ZNF215: variants seen among roughly 807,000 people sequenced by gnomAD.
ZNF215 encodes zinc finger protein 215.
In ZNF215, 24 loss-of-function variants were observed where a neutral mutation model predicts 27.2. The observed-to-expected ratio is 0.88, with a 90% CI of 0.64 to 1.24. The LOEUF (loss-of-function observed/expected upper bound fraction) is 1.24, where lower values mean the gene tolerates loss of function less well. ZNF215 is among the 50% of genes most tolerant of loss of function. The probability of loss-of-function intolerance (pLI) is 0.00; values close to 1 mark genes in which losing one functional copy is unlikely to be tolerated. For synonymous variants in ZNF215, 210 were observed against 204.0 expected (o/e 1.03, Z -0.25); for missense variants, 675 against 605.7 (o/e 1.11, Z -1.20).
In ZNF215 at chr11:6,926,615, G is replaced by A. The variant is rs1331922777; in HGVS notation, c.-396G>A. On this transcript the variant is annotated 5_prime_UTR_variant, in exon 1 of 7. It adds an upstream start codon to the 5' untranslated region. Transcript: ENST00000278319. ...GAGGTCAGGGATTCCTAGTTGCAGCGTGATTACCAACGCCAGCTCCCTTCA... is the reference window on the plus strand; with the variant it reads ...GAGGTCAGGGATTCCTAGTTGCAGCATGATTACCAACGCCAGCTCCCTTCA... The A allele has an allele frequency of 6.6e-6, 1 of 152,236 alleles. No homozygotes were observed. Among genetic ancestry groups the A allele is most frequent in the Non-Finnish European group, 1.5e-5 (1 of 68,074 alleles). 9.4% of individuals were successfully genotyped at this position (152,236 alleles called of 1,614,324 possible).
downstream of ZNF215, among the ~76,000 whole-genome samples, chr11:6,962,939 G>C (rs1449104293): frequency 1.3e-5 from 2 of 152,038 alleles, no homozygotes; most frequent in Non-Finnish European, 2.9e-5. Flanking sequence ...GTCATGTTGT[G>C]TGTCATAAGT....
chr11:6,972,296 A>G (rs1850733648), intron 5 of ZNF215, among the ~76,000 whole-genome samples: 1 of 152,104 alleles, frequency 6.6e-6, no homozygotes, highest in Admixed American at 6.6e-5. Flanking sequence ...AACAATACAT[A>G]ATGAATGGGT....
At chr11:6,979,282 A>T (rs1484760936) in intron 5 of ZNF215, among the ~76,000 whole-genome samples, 1 of 151,896 alleles carries the variant, frequency 6.6e-6, no homozygotes, top group Non-Finnish European at 1.5e-5. Flanking sequence ...ATAAATCTAG[A>T]GGGACTTCTG....
At chr11:6,928,038 T>C (rs74235430) in intron 2 of ZNF215, among the ~76,000 whole-genome samples, 5,107 of 152,298 alleles carry the variant, frequency 0.034, 177 homozygotes, top group East Asian at 0.14. Context: ...CTTTTATCTT[T>C]TTTTTTAGAA....
chr11:6,988,669 T>C (rs1851085766), downstream of ZNF215: 1 of 152,204 alleles, frequency 6.6e-6, no homozygotes, highest in Non-Finnish European at 1.5e-5. Context: ...AATTGGCCTG[T>C]GTTTGTTCTT....
At chr11:6,945,596 C>T (rs1157832704) in intron 6 of ZNF215, among the ~76,000 whole-genome samples, 2 of 152,208 alleles carry the variant, frequency 1.3e-5, no homozygotes, top group African/African-American at 4.8e-5. Flanking sequence ...CCTTATCTCA[C>T]TTGAATTCTC....
At chr11:6,985,142 A>G (rs1343512179), downstream of ZNF215, among the ~76,000 whole-genome samples, 1 of 152,182 alleles carries the variant, frequency 6.6e-6, no homozygotes, top group Admixed American at 6.5e-5. Context: ...AGACACACCA[A>G]TTCTCAACAA....
chr11:6,938,821 G>A (rs879385875), intron 3 of ZNF215, among the ~76,000 whole-genome samples: 4 of 152,058 alleles, frequency 2.6e-5, no homozygotes, highest in Non-Finnish European at 4.4e-5. Flanking sequence ...GGTGATCATT[G>A]TACAACATTA....
At chr11:6,951,325 T>C (rs1416614997) in intron 6 of ZNF215, among the ~76,000 whole-genome samples, 1 of 152,152 alleles carries the variant, frequency 6.6e-6, no homozygotes, top group Non-Finnish European at 1.5e-5. Context: ...TTCCTCCTTG[T>C]ACCTCTGGTA....
At chr11:6,991,420 C>A (rs1851116318), downstream of ZNF215, among the ~76,000 whole-genome samples, 1 of 152,202 alleles carries the variant, frequency 6.6e-6, no homozygotes, top group African/African-American at 2.4e-5. Flanking sequence ...GCAGCACACA[C>A]CGTCGGGGCT....
downstream of ZNF215, among the ~76,000 whole-genome samples, chr11:6,989,552 C>T (rs1344330742): frequency 6.6e-6 from 1 of 152,084 alleles, no homozygotes; most frequent in Non-Finnish European, 1.5e-5. Flanking sequence ...TATAGCAGTC[C>T]ATCATAGGAG....
chr11:6,969,254 A>G (rs1203372835), intron 5 of ZNF215, among the ~76,000 whole-genome samples: 1 of 152,218 alleles, frequency 6.6e-6, no homozygotes, highest in Admixed American at 6.5e-5. Context: ...AAGCTGTGAA[A>G]GAACATGTCA....
intron 3 of ZNF215, among the ~76,000 whole-genome samples, chr11:6,941,308 G>C (rs1336696536): frequency 6.6e-6 from 1 of 152,166 alleles, no homozygotes; most frequent in Non-Finnish European, 1.5e-5. Flanking sequence ...CATAGATGAG[G>C]TCTGAAAATA....
chr11:6,976,793 A>G (rs1020592129), intron 5 of ZNF215, among the ~76,000 whole-genome samples: 2 of 152,052 alleles, frequency 1.3e-5, no homozygotes, highest in Admixed American at 1.3e-4. Flanking sequence ...ACACATGTAT[A>G]TGTTTTCTGT....
rs1850331232 is a variant in ZNF215 at position 6,956,085 on chromosome 11, C to A, written c.1108C>A (p.Gln370Lys). Residue 370 changes from glutamine (Q) to lysine (K), a missense_variant, in exon 7 of 7, where the codon CAA becomes AAA. Physicochemically the swap from Gln to Lys is moderately conservative, Grantham distance 53. Transcript: ENST00000278319. ...DLSLSTDIRH[Q>K]KSHTTMNSYE... ...GAGTTTGAGTACAGATATTCGACAC[C>A]AAAAAAGTCATACTACAATGAATTC... 6.2e-7 allele frequency: 1 copy of A among 1,611,538 alleles called. No homozygotes were observed. Among genetic ancestry groups the A allele is most frequent in the African/African-American group, 1.3e-5 (1 of 74,742 alleles).
At position 6,927,789 on chromosome 11, in the gene ZNF215, A is replaced by C. The variant is rs1447249544; in HGVS notation, c.-198A>C. ...CATCCTGAACGTCTCTCCCTGTCCT[A>C]GCTCTGTAACTGTTTACAGTGAGTA... On this transcript the variant is annotated 5_prime_UTR_variant, in exon 2 of 7. Transcript: ENST00000278319. 1 of 152,222 alleles carries C rather than the reference A, an allele frequency of 6.6e-6. No homozygotes were observed. Among genetic ancestry groups the C allele is most frequent in the African/African-American group, 2.4e-5 (1 of 41,452 alleles). The allele number at this position is 152,222 out of a possible 1,614,324, so 9.4% of individuals were successfully genotyped here.
chr11:6,954,549 TATA>T (rs1483710691), intron 6 of ZNF215, among the ~76,000 whole-genome samples: 1 of 152,178 alleles, frequency 6.6e-6, no homozygotes, highest in African/African-American at 2.4e-5. Flanking sequence ...AGGTGCAGGA[TATA>T]ATCTCCTGGT....
chr11:6,956,161 T>G lies in ZNF215; in HGVS notation c.1184T>G (p.Ile395Ser). ...GCCTTCTGCCGAAGTTCATCCCTTATTCGACATCAGATCATTCACACAGGA... is the reference window on the plus strand; with the variant it reads ...GCCTTCTGCCGAAGTTCATCCCTTAGTCGACATCAGATCATTCACACAGGA... ...GKAFCRSSSLIRHQIIHTGEK... is the reference protein window; with the variant it reads ...GKAFCRSSSLSRHQIIHTGEK... The change falls in exon 7 of 7, where the codon ATT becomes AGT. Residue 395 changes from isoleucine to serine, a missense_variant. By Grantham distance (142) the Ile-to-Ser change is moderately radical. Transcript: ENST00000278319. The G allele has an allele frequency of 6.2e-7, 1 of 1,613,814 alleles. No individual in the cohort carries two copies. Among genetic ancestry groups the G allele is most frequent in the Non-Finnish European group, 8.5e-7 (1 of 1,179,982 alleles).
intron 6 of ZNF215, among the ~76,000 whole-genome samples, chr11:6,948,920 C>A (rs1259453918): frequency 8.6e-6 from 1 of 116,590 alleles, no homozygotes. Flanking sequence ...CCACAACAGT[C>A]CCAGAGTGTG....
Sources: allele counts gnomAD v4.1 joint callset (sites outside exome capture counted in the v4.1 genomes callset), GRCh38; gene constraint gnomAD v4.1.1; transcripts MANE v1.5; gene names NCBI Gene and HGNC (gene_info 2026-07-23, HGNC 2026-07-21).